MTMR12: variants seen among roughly 807,000 people sequenced by gnomAD.
The protein encoded by MTMR12 is myotubularin-related protein 12.
In MTMR12, 33 loss-of-function variants were observed where a neutral mutation model predicts 96.7. The observed-to-expected ratio is 0.34, with a 90% CI of 0.26 to 0.46. The LOEUF is 0.46. Ranked by LOEUF, MTMR12 falls within the 20% of genes least tolerant of loss-of-function variation. The pLI is 1.00. For missense variants in MTMR12, 721 were observed against 896.1 expected (o/e 0.80, Z 2.49); for synonymous variants, 298 against 327.2 (o/e 0.91, Z 0.96).
rs778198850 is a variant in MTMR12 at position 32,228,898 on chromosome 5, C to T, written c.*880G>A. On this transcript the variant is annotated 3_prime_UTR_variant, in exon 16 of 16. Coordinates refer to ENST00000382142, the MANE Select transcript of MTMR12 (RefSeq NM_001040446.3). ...ACAAGTGCTCCAAAGCTTCAGCAGGCAAGTAGAAAAAGGCGAAGCGATTTG... is the reference window on the plus strand; with the variant it reads ...ACAAGTGCTCCAAAGCTTCAGCAGGTAAGTAGAAAAAGGCGAAGCGATTTG... 1.3e-5 allele frequency: 2 copies of T among 151,742 alleles called. No homozygotes were observed. The highest frequency in any genetic ancestry group is 4.9e-5 in the African/African-American group (2 of 41,226). The allele number at this position is 151,742 out of a possible 1,614,324, so 9.4% of individuals were successfully genotyped here. A position where few individuals can be genotyped will look rare whatever the true frequency, so the allele number is the denominator to read the frequency against.
intron 1 of MTMR12, among the ~76,000 whole-genome samples, chr5:32,303,897 A>G (rs1751245857): frequency 6.6e-6 from 1 of 151,540 alleles, no homozygotes; most frequent in South Asian, 2.1e-4. Flanking sequence ...AGTCACAAGC[A>G]CAACTTGATG....
rs919074174 is a variant in MTMR12 at position 32,268,686 on chromosome 5, C to A, written c.583+15G>T. 1 of 1,605,124 alleles carries A rather than the reference C, an allele frequency of 6.2e-7. No individual in the cohort carries two copies. Among genetic ancestry groups the A allele is most frequent in the Non-Finnish European group, 8.5e-7 (1 of 1,171,980 alleles). On this transcript the variant is annotated intron_variant, in intron 6 of 15. Coordinates refer to ENST00000382142, the MANE Select transcript of MTMR12 (RefSeq NM_001040446.3). ...CTTCTGCTTACCCTCAAATTAGAAC[C>A]CAGAAGATATTTACCTGTATTGTTT...
At chr5:32,288,975 G>A (rs1750647225) in intron 1 of MTMR12, among the ~76,000 whole-genome samples, 1 of 152,178 alleles carries the variant, frequency 6.6e-6, no homozygotes, top group Non-Finnish European at 1.5e-5. Context: ...CATCTTTGAA[G>A]AGCCCTGTAA....
At chr5:32,246,917 G>A (rs963942312) in intron 10 of MTMR12, among the ~76,000 whole-genome samples, 4 of 152,152 alleles carry the variant, frequency 2.6e-5, no homozygotes, top group African/African-American at 9.6e-5. Context: ...GTTATTTTGG[G>A]GTAAAAAAGT....
intron 7 of MTMR12, among the ~76,000 whole-genome samples, chr5:32,260,608 T>G (rs753216622): frequency 2.6e-5 from 4 of 151,382 alleles, no homozygotes; most frequent in African/African-American, 4.9e-5. Flanking sequence ...TTTCAAGCTT[T>G]AAAACCAGGA....
intron 1 of MTMR12, among the ~76,000 whole-genome samples, chr5:32,282,459 A>ATAAG (rs1316944270): frequency 6.6e-6 from 1 of 150,580 alleles, no homozygotes; most frequent in Non-Finnish European, 1.5e-5. Flanking sequence ...AAATAAATAA[A>ATAAG]TAAATAAAAT....
At chr5:32,292,512 T>C (rs545950389) in intron 1 of MTMR12, among the ~76,000 whole-genome samples, 59 of 152,246 alleles carry the variant, frequency 3.9e-4, no homozygotes, top group Middle Eastern at 3.4e-3. Flanking sequence ...TTTAAGTCAA[T>C]AGGCTAAGAA....
chr5:32,269,856 G>A (rs895203566), intron 5 of MTMR12, among the ~76,000 whole-genome samples: 5 of 152,126 alleles, frequency 3.3e-5, no homozygotes, highest in Non-Finnish European at 7.3e-5. Context: ...ACGCTGTTTC[G>A]TGTGAAACTA....
chr5:32,289,950 G>A (rs1463971782), intron 1 of MTMR12, among the ~76,000 whole-genome samples: 1 of 152,214 alleles, frequency 6.6e-6, no homozygotes, highest in African/African-American at 2.4e-5. Context: ...CCACATCCCT[G>A]TTCAACTCTC....
chr5:32,290,689 T>C (rs545849497), intron 1 of MTMR12, among the ~76,000 whole-genome samples: 53 of 152,330 alleles, frequency 3.5e-4, no homozygotes, highest in Admixed American at 5.9e-4. Context: ...CTCTGCCACT[T>C]GGGCCACAAA....
chr5:32,275,230 A>G (rs1159317237), intron 2 of MTMR12, among the ~76,000 whole-genome samples: 3 of 152,144 alleles, frequency 2.0e-5, no homozygotes, highest in Non-Finnish European at 4.4e-5. Context: ...AACACTAAGG[A>G]AATACCGGAA....
At chr5:32,276,254 C>T (rs1489312634) in intron 2 of MTMR12, among the ~76,000 whole-genome samples, 1 of 152,250 alleles carries the variant, frequency 6.6e-6, no homozygotes, top group East Asian at 1.9e-4. Flanking sequence ...CCCCAGTACA[C>T]GTGCTCACAT....
chr5:32,257,428 G>A (rs1350176084), intron 7 of MTMR12, among the ~76,000 whole-genome samples: 1 of 152,010 alleles, frequency 6.6e-6, no homozygotes, highest in Non-Finnish European at 1.5e-5. Flanking sequence ...AGGGTAAATG[G>A]GAATTCATCA....
intron 12 of MTMR12, among the ~76,000 whole-genome samples, chr5:32,239,702 A>T (rs1040934529): frequency 6.6e-6 from 1 of 152,086 alleles, no homozygotes; most frequent in African/African-American, 2.4e-5. Context: ...CACTAACTCT[A>T]CTTTGGAGAA....
chr5:32,286,241 A>C (rs1231647868), intron 1 of MTMR12, among the ~76,000 whole-genome samples: 3 of 152,202 alleles, frequency 2.0e-5, no homozygotes, highest in Admixed American at 1.3e-4. Flanking sequence ...CAGGAGGCTG[A>C]GGTAGGTGGA....
intron 10 of MTMR12, 35 bp from the exon 11 acceptor site, chr5:32,243,634 A>G (rs1245185060): frequency 5.1e-6 from 7 of 1,365,644 alleles, no homozygotes; most frequent in Non-Finnish European, 7.3e-6. Flanking sequence ...ACGTCAGGTC[A>G]TTGTTCACTG....
At chr5:32,308,573 T>C (rs1455753772) in intron 1 of MTMR12, among the ~76,000 whole-genome samples, 2 of 152,120 alleles carry the variant, frequency 1.3e-5, no homozygotes, top group Middle Eastern at 3.4e-3. Context: ...TACTTAAAAA[T>C]ACATTGCCTT....
chr5:32,312,793 G>T lies in MTMR12; in HGVS notation c.46C>A (p.Pro16Thr). ...ACGTACGACACGAAGGAGGGCTTGG[G>T]GGCCTTGGTGCCGCCGCCACCGCCG... ...VVGGGGGTKA[P>T]KPSFVSYVRP... The change falls in exon 1 of 16, where the codon CCC becomes ACC. Residue 16 changes from proline (P) to threonine (T), a missense_variant. Coordinates refer to ENST00000382142, the MANE Select transcript of MTMR12 (RefSeq NM_001040446.3). This position sits in a 1 kb window ranked among gnomAD's most constrained non-coding sequence, Gnocchi z 5.0. 1 of 1,533,540 alleles carries T rather than the reference G, an allele frequency of 6.5e-7. No individual in the cohort carries two copies. 95.0% of individuals were successfully genotyped at this position (1,533,540 alleles called of 1,614,324 possible). A position where few individuals can be genotyped will look rare whatever the true frequency, so the allele number is the denominator to read the frequency against.
intron 1 of MTMR12, among the ~76,000 whole-genome samples, chr5:32,279,366 G>T (rs1206930958): frequency 6.6e-6 from 1 of 152,030 alleles, no homozygotes; most frequent in African/African-American, 2.4e-5. Flanking sequence ...GCTGCAGTGA[G>T]CCATGACTGC....
Sources: allele counts gnomAD v4.1 joint callset (sites outside exome capture counted in the v4.1 genomes callset), GRCh38; gene constraint gnomAD v4.1.1; non-coding constraint Gnocchi (gnomAD v3.1); transcripts MANE v1.5; gene names NCBI Gene and HGNC (gene_info 2026-07-23, HGNC 2026-07-21).